The following SLC2A9 variants were observed in gnomAD, a reference collection of about 807,000 sequenced individuals.
The protein encoded by SLC2A9 is solute carrier family 2, facilitated glucose transporter member 9.
In SLC2A9, 39 loss-of-function variants were observed where a neutral mutation model predicts 50.6. That is an observed-to-expected ratio of 0.77 (90% CI 0.60 to 1.01). The LOEUF is 1.01. Among genes scored for constraint, SLC2A9 ranks in the 50% least tolerant of loss-of-function variants. SLC2A9 has a pLI of 0.00. For synonymous variants in SLC2A9, 324 were observed against 276.9 expected, an observed-to-expected ratio of 1.17 and a Z score of -1.69; for missense variants, 686 against 677.6, an observed-to-expected ratio of 1.01 and a Z score of -0.14.
chr4:9,905,944 C>T (rs1363520412), intron 8 of SLC2A9, among the ~76,000 whole-genome samples: 1 of 152,152 alleles, frequency 6.6e-6, no homozygotes, highest in East Asian at 1.9e-4. Flanking sequence ...TCTTAGTTTC[C>T]TCAACTGTCA....
At chr4:9,908,389 G>T in intron 7 of SLC2A9, 44 bp from the exon 8 acceptor site, 1 of 1,350,342 alleles carries the variant, frequency 7.4e-7, no homozygotes. Context: ...GTCAGTGGAA[G>T]GACTTAATCT....
intron 6 of SLC2A9, among the ~76,000 whole-genome samples, chr4:9,928,358 A>C (rs1307555537): frequency 6.6e-6 from 1 of 152,246 alleles, no homozygotes; most frequent in Non-Finnish European, 1.5e-5. Context: ...AACCTTTTAT[A>C]AGAAACTGTT....
intron 10 of SLC2A9, among the ~76,000 whole-genome samples, chr4:9,851,951 T>C (rs1729999859): frequency 6.6e-6 from 1 of 152,198 alleles, no homozygotes; most frequent in Admixed American, 6.5e-5. Flanking sequence ...GACTCACTGG[T>C]GTCTCTGAAA....
chr4:9,916,889 AC>A (rs1208832919), intron 7 of SLC2A9, among the ~76,000 whole-genome samples: 1 of 152,102 alleles, frequency 6.6e-6, no homozygotes, highest in Non-Finnish European at 1.5e-5. Flanking sequence ...TCCCCCAGAC[AC>A]TCAGGTGCCC....
At chr4:9,849,721 G>C (rs1729551965) in intron 10 of SLC2A9, among the ~76,000 whole-genome samples, 1 of 152,150 alleles carries the variant, frequency 6.6e-6, no homozygotes, top group African/African-American at 2.4e-5. Context: ...TAATTAGCAG[G>C]TAAGAAAACA....
intron 8 of SLC2A9, among the ~76,000 whole-genome samples, chr4:9,904,763 TG>T (rs1740313264): frequency 6.6e-6 from 1 of 152,218 alleles, no homozygotes; most frequent in South Asian, 2.1e-4. Context: ...AAGCCAAAGC[TG>T]TTTCTCCCCA....
chr4:10,005,035 G>A (rs1203374710), intron 2 of SLC2A9, among the ~76,000 whole-genome samples: 3 of 152,112 alleles, frequency 2.0e-5, no homozygotes, highest in Non-Finnish European at 2.9e-5. Flanking sequence ...GACTTTACAG[G>A]TCTGCTTCCT....
At chr4:9,882,399 T>C (rs1308816308) in intron 10 of SLC2A9, among the ~76,000 whole-genome samples, 2 of 152,162 alleles carry the variant, frequency 1.3e-5, no homozygotes, top group African/African-American at 2.4e-5. Flanking sequence ...AAATCTAGCA[T>C]TTGCCTCTTA....
intron 3 of SLC2A9, among the ~76,000 whole-genome samples, chr4:9,787,098 G>A (rs1167659964): frequency 6.6e-6 from 1 of 152,186 alleles, no homozygotes; most frequent in Non-Finnish European, 1.5e-5. Context: ...GCACCTTTCT[G>A]AGCTCCAGCT....
In SLC2A9 at chr4:9,913,303, T is replaced by TTGTGTGTG. The variant is rs59023239; in HGVS notation, c.1003-4966_1003-4959dup. ...TATATTTTATGCATTTCCTGTGTGT[T>TTGTGTGTG]TGTGTGTGTGTGTGTGTGTGTGTGT... On this transcript the variant is annotated intron_variant, in intron 7 of 11. Transcript: ENST00000264784. 7.7e-3 allele frequency among the ~76,000 whole-genome samples: 1,094 copies of TTGTGTGTG among 142,068 alleles called. 5 individuals are homozygous for TTGTGTGTG. The highest frequency in any genetic ancestry group is 0.017 in the African/African-American group (644 of 38,170). The allele number at this position is 142,068 out of a possible 152,430, so 93.2% of individuals were successfully genotyped here.
chr4:9,916,719 G>T (rs1742906134), intron 7 of SLC2A9, among the ~76,000 whole-genome samples: 2 of 152,166 alleles, frequency 1.3e-5, no homozygotes, highest in African/African-American at 2.4e-5. Context: ...GGAAGGAAGG[G>T]TCATCCCAAG....
At chr4:9,968,580 TC>T (rs1465802506) in intron 5 of SLC2A9, among the ~76,000 whole-genome samples, 1 of 152,216 alleles carries the variant, frequency 6.6e-6, no homozygotes, top group Non-Finnish European at 1.5e-5. Context: ...CCAGGGAATT[TC>T]TCATGCTTTT....
chr4:9,933,188 A>C (rs1746452087), intron 6 of SLC2A9, among the ~76,000 whole-genome samples: 1 of 152,212 alleles, frequency 6.6e-6, no homozygotes, highest in African/African-American at 2.4e-5. Context: ...GTTTGACACA[A>C]ATGGAATGTG....
chr4:9,937,604 T>A (rs1173558236), intron 6 of SLC2A9, among the ~76,000 whole-genome samples: 1 of 152,136 alleles, frequency 6.6e-6, no homozygotes, highest in East Asian at 1.9e-4. Context: ...TCTGCCCAGC[T>A]CCCTCTGCCC....
chr4:9,820,761 A>G (rs946226669), intron 3 of SLC2A9, among the ~76,000 whole-genome samples: 3 of 152,254 alleles, frequency 2.0e-5, no homozygotes, highest in African/African-American at 7.2e-5. Context: ...AGTACAGAGA[A>G]ATACAATGAA....
intron 10 of SLC2A9, among the ~76,000 whole-genome samples, chr4:9,859,647 G>C (rs1388409772): frequency 6.6e-6 from 1 of 152,224 alleles, no homozygotes; most frequent in Non-Finnish European, 1.5e-5. Flanking sequence ...CTGTGCACAA[G>C]TGACCTCATC....
At chr4:9,845,671 C>T (rs1051859785) in intron 10 of SLC2A9, among the ~76,000 whole-genome samples, 1 of 151,912 alleles carries the variant, frequency 6.6e-6, no homozygotes, top group Admixed American at 6.5e-5. Flanking sequence ...ACCTCGTGAT[C>T]CGCCCGCCTC....
intron 2 of SLC2A9, among the ~76,000 whole-genome samples, chr4:10,011,539 G>A (rs1003400990): frequency 2.0e-5 from 3 of 152,218 alleles, no homozygotes; most frequent in African/African-American, 7.2e-5. Flanking sequence ...GCATAAATCT[G>A]AAGCCATTTT....
At chr4:9,917,886 C>CAATGAATTTTCCAGCTCAAAAT (rs1743175267) in intron 7 of SLC2A9, among the ~76,000 whole-genome samples, 1 of 152,112 alleles carries the variant, frequency 6.6e-6, no homozygotes. Context: ...GCCCCCATGA[C>CAATGAATTTTCCAGCTCAAAAT]AATGAATTTT....
Sources: gnomAD v4.1 joint callset for allele counts (sites outside exome capture counted in the v4.1 genomes callset) on GRCh38, gnomAD v4.1.1 for gene constraint, MANE v1.5 for transcripts, NCBI Gene and HGNC (gene_info 2026-07-23, HGNC 2026-07-21) for gene names.